PGBD2: variants seen among roughly 807,000 people sequenced by gnomAD.
PGBD2 encodes piggyBac transposable element-derived protein 2.
Under a neutral mutation model 8.1 loss-of-function variants are expected in PGBD2, and 6 were observed. That is an observed-to-expected ratio of 0.74 (90% CI 0.40 to 1.46). The LOEUF (loss-of-function observed/expected upper bound fraction) is 1.46. Among genes scored for constraint, PGBD2 ranks in the 40% most tolerant of loss-of-function variants. The pLI, the probability that PGBD2 is intolerant of heterozygous loss-of-function variation, is 0.02. For missense variants in PGBD2, 802 were observed against 739.0 expected (o/e 1.09, Z -0.99); for synonymous variants, 318 against 272.2 (o/e 1.17, Z -1.66).
chr1:248,911,047 T>A lies in PGBD2; in HGVS notation c.-47-2769T>A, dbSNP rs183001775. On this transcript the variant is annotated intron_variant, in intron 1 of 2. Transcript: ENST00000329291. ...CCTCCCAGCCCTATTTGCCCCCCCA[T>A]CTCGAGCACCCACGAATGTGTTTTC... 3.3e-3 allele frequency among the ~76,000 whole-genome samples: 500 copies of A among 152,092 alleles called. 3 individuals carry two copies. Among genetic ancestry groups the A allele is most frequent in the Non-Finnish European group, 5.6e-3 (382 of 67,996 alleles).
the PGBD2 span, among the ~76,000 whole-genome samples, chr1:248,894,793 CTCTT>C: frequency 2.8e-5 from 4 of 145,016 alleles, no homozygotes; most frequent in Admixed American, 1.4e-4. Flanking sequence ...TTCTCTCTCT[CTCTT>C]TCTTTCTTCT....
the PGBD2 span, among the ~76,000 whole-genome samples, chr1:248,893,147 T>C: frequency 6.6e-6 from 1 of 152,234 alleles, no homozygotes; most frequent in African/African-American, 2.4e-5. Context: ...TGCATACTCA[T>C]GTTACCATCA....
Position 248,917,788 on chromosome 1 carries a change from G to T in PGBD2, c.1204G>T (p.Val402Phe). 6.2e-7 allele frequency: 1 copy of T among 1,614,206 alleles called. No individual in the cohort carries two copies. The highest frequency in any genetic ancestry group is 8.5e-7 in the Non-Finnish European group (1 of 1,180,042). The stretch of plus-strand genomic sequence containing the variant: ...GAAGAGGGGTTCATTTGATTACAAA[G>T]TCGATGAGAGTGAGGAGATCATCGT... ...KMKRGSFDYK[V>F]DESEEIIVCR... Residue 402 changes from valine (V) to phenylalanine (F), a missense_variant, in exon 3 of 3, where the codon GTC (valine) becomes TTC (phenylalanine). Val to Phe is a conservative substitution (Grantham distance 50). Coordinates refer to ENST00000329291, the MANE Select transcript of PGBD2 (RefSeq NM_170725.3).
the PGBD2 span, among the ~76,000 whole-genome samples, chr1:248,874,214 A>T: frequency 1.3e-5 from 2 of 152,232 alleles, no homozygotes; most frequent in Non-Finnish European, 2.9e-5. Context: ...ATATTTATTT[A>T]GTATAGCATA....
the PGBD2 span, among the ~76,000 whole-genome samples, chr1:248,897,438 TA>T: frequency 6.6e-6 from 1 of 151,930 alleles, no homozygotes; most frequent in East Asian, 1.9e-4. Context: ...TTTTCTGCAG[TA>T]AGTAAAAATG....
At chr1:248,907,330 A>G (rs979309642) in intron 1 of PGBD2, among the ~76,000 whole-genome samples, 1 of 152,236 alleles carries the variant, frequency 6.6e-6, no homozygotes, top group Non-Finnish European at 1.5e-5. Flanking sequence ...GCCATAGGGC[A>G]GTTTTTCTCC....
chr1:248,918,455 G>T lies in PGBD2; in HGVS notation c.*92G>T, dbSNP rs984909011. 5.5e-6 allele frequency: 7 copies of T among 1,280,172 alleles called. No individual in the cohort carries two copies. The highest frequency in any genetic ancestry group is 4.5e-5 in the African/African-American group (3 of 66,260). 79.3% of individuals were successfully genotyped at this position (1,280,172 alleles called of 1,614,324 possible). A position where few individuals can be genotyped will look rare whatever the true frequency, so the allele number is the denominator to read the frequency against. ...CACTTCTGTTTTGTGTTGGAAAAAA[G>T]ACCTGAATTTCTAATGACTTGATTT... On this transcript the variant is annotated 3_prime_UTR_variant, in exon 3 of 3. Transcript: ENST00000329291.
In PGBD2 at chr1:248,916,608, C is replaced by T. The variant is rs1158679566; in HGVS notation, c.24C>T (p.Val8=). ...CTGTTTCCTGTCATAACAGAGATGT[C>T]ATTGCTGGGAGAGGTATCCACTCAA... The part of the protein sequence containing the change: MASTSRD[V]IAGRGIHSKV... Residue 8 remains valine, a synonymous_variant, in exon 3 of 3, where the codon GTC becomes GTT. Coordinates refer to ENST00000329291, the MANE Select transcript of PGBD2 (RefSeq NM_170725.3). 3.7e-6 allele frequency: 6 copies of T among 1,613,684 alleles called. No individual in the cohort carries two copies. The South Asian group carries it at 5.5e-5, about 15-fold the overall frequency.
the PGBD2 span, among the ~76,000 whole-genome samples, chr1:248,927,594 T>C: frequency 6.6e-6 from 1 of 152,218 alleles, no homozygotes; most frequent in Non-Finnish European, 1.5e-5. Flanking sequence ...ATATAACACA[T>C]GTATGTGGCT....
At chr1:248,874,253 G>A in the PGBD2 span, among the ~76,000 whole-genome samples, 1 of 152,160 alleles carries the variant, frequency 6.6e-6, no homozygotes, top group African/African-American at 2.4e-5. Context: ...TGTCTTCCCT[G>A]GTGGTCTAGT....
At chr1:248,915,031 A>C (rs978831688) in intron 2 of PGBD2, among the ~76,000 whole-genome samples, 2 of 151,668 alleles carry the variant, frequency 1.3e-5, no homozygotes, top group African/African-American at 4.8e-5. Flanking sequence ...CAGGTCTCCC[A>C]CTCTGTGAGC....
At chr1:248,924,390 A>G (rs576450840), downstream of PGBD2, among the ~76,000 whole-genome samples, 3 of 152,276 alleles carry the variant, frequency 2.0e-5, no homozygotes, top group East Asian at 1.9e-4. Flanking sequence ...TCTATTTATT[A>G]CCCTCAGCCA....
chr1:248,873,064 G>C, the PGBD2 span, among the ~76,000 whole-genome samples: 1 of 152,204 alleles, frequency 6.6e-6, no homozygotes, highest in African/African-American at 2.4e-5. Context: ...AGCTCACCAA[G>C]TTGGGGCTTT....
the PGBD2 span, among the ~76,000 whole-genome samples, chr1:248,899,524 A>G: frequency 1.3e-5 from 2 of 152,334 alleles, no homozygotes; most frequent in African/African-American, 4.8e-5. Flanking sequence ...GCAGAAATCA[A>G]GAAGTTCTTT....
At chr1:248,888,381 C>G in the PGBD2 span, among the ~76,000 whole-genome samples, 27 of 152,266 alleles carry the variant, frequency 1.8e-4, no homozygotes, top group East Asian at 4.6e-3. Context: ...TAAGTATTCC[C>G]TTTTCTCTAC....
chr1:248,919,588 T>C (rs552120587), downstream of PGBD2: 2 of 167,140 alleles, frequency 1.2e-5, no homozygotes, highest in Admixed American at 6.5e-5. Context: ...GATTTTTTTT[T>C]CTTTTGGATG....
chr1:248,907,446 T>C (rs560777520), intron 1 of PGBD2, among the ~76,000 whole-genome samples: 13 of 152,338 alleles, frequency 8.5e-5, no homozygotes, highest in East Asian at 1.9e-4. Context: ...TGCAAGAGGC[T>C]TTCCTCTTTT....
chr1:248,899,816 AATAG>A, the PGBD2 span, among the ~76,000 whole-genome samples: 8 of 151,752 alleles, frequency 5.3e-5, no homozygotes, highest in East Asian at 3.9e-4. Flanking sequence ...AAAAAAGTAA[AATAG>A]ATAGACTACT....
chr1:248,929,433 C>T, the PGBD2 span, among the ~76,000 whole-genome samples: 1 of 152,158 alleles, frequency 6.6e-6, no homozygotes, highest in African/African-American at 2.4e-5. Context: ...ATCTATTTTG[C>T]TGTGATGAGG....
Sources: allele counts gnomAD v4.1 joint callset (sites outside exome capture counted in the v4.1 genomes callset), GRCh38; gene constraint gnomAD v4.1.1; transcripts MANE v1.5; gene names NCBI Gene and HGNC (gene_info 2026-07-23, HGNC 2026-07-21).